HUS1: variants seen among roughly 807,000 people sequenced by gnomAD.
HUS1 encodes the protein checkpoint protein HUS1.
HUS1 carries 31 observed loss-of-function variants against 32.6 expected under a neutral mutation model. That is an observed-to-expected ratio of 0.95 (90% CI 0.72 to 1.28). HUS1 has a LOEUF of 1.28. Ranked by LOEUF, HUS1 falls within the 50% of genes most tolerant of loss-of-function variation. The pLI, the probability that HUS1 is intolerant of heterozygous loss-of-function variation, is 0.00. For missense variants in HUS1, 340 were observed against 337.7 expected (o/e 1.01, Z -0.05); for synonymous variants, 123 against 116.6 (o/e 1.06, Z -0.36).
Position 47,978,815 on chromosome 7 carries a change from T to C in HUS1, c.54A>G (p.Arg18=), listed in dbSNP as rs748633074. 1.9e-6 allele frequency: 3 copies of C among 1,613,622 alleles called. No homozygotes were observed. The highest frequency in any genetic ancestry group is 2.5e-6 in the Non-Finnish European group (3 of 1,179,904). ...VDGACLNHFT[R]ISNMIAKLAK... ...CAAGCTTGGCTATCATGTTACTGAT[T>C]CCTAAAGCAGGGGTTAAAATAAGGA... The change falls in exon 2 of 8, where the codon CGA becomes CGG. Residue 18 remains arginine, a splice_region_variant and synonymous_variant. Coordinates refer to ENST00000258774, the MANE Select transcript of HUS1 (RefSeq NM_004507.4).
rs553523764 is a variant in HUS1, at chr7:47,965,392, G to A, written c.807C>T (p.Asp269=). 3.7e-6 allele frequency: 6 copies of A among 1,613,684 alleles called. No individual in the cohort carries two copies. Among genetic ancestry groups the A allele is most frequent in the East Asian group, 2.2e-5 (1 of 44,862 alleles). Residue 269 remains aspartate, a synonymous_variant, in exon 8 of 8, where the codon GAC becomes GAT. Coordinates refer to ENST00000258774, the MANE Select transcript of HUS1 (RefSeq NM_004507.4). The stretch of plus-strand genomic sequence containing the variant: ...CAGGGATGAAATACTGAAGGGACAC[G>A]TCTTCATGAAGCAGATCAAAATGCA... ...KMVHFDLLHE[D]VSLQYFIPAL...
At position 47,963,495 on chromosome 7, in the gene HUS1, G is replaced by A. The variant is rs1248049712; in HGVS notation, c.*1861C>T. The stretch of plus-strand genomic sequence containing the variant: ...TTTCATTTTGTATCATGATTTTTAA[G>A]TTTTCTCACTGCAGCTGGAATTAAT... On this transcript the variant is annotated 3_prime_UTR_variant, in exon 8 of 8. Transcript: ENST00000258774. The A allele has an allele frequency of 1.3e-5, 2 of 152,180 alleles. No homozygotes were observed. The highest frequency in any genetic ancestry group is 2.9e-5 in the Non-Finnish European group (2 of 68,024). 9.4% of individuals were successfully genotyped at this position (152,180 alleles called of 1,614,324 possible). A position where few individuals can be genotyped will look rare whatever the true frequency, so the allele number is the denominator to read the frequency against.
At position 47,976,170 on chromosome 7, in the gene HUS1, A is replaced by T. The variant is rs1583723492; in HGVS notation, c.466-483T>A. On this transcript the variant is annotated intron_variant, in intron 4 of 7. Transcript: ENST00000258774. ...CTCTATAAAACACAGGCTTTTTCAA[A>T]ATCAGTGTAGGTGCCATCTAGTAAA... 3 of 353,546 alleles carry T rather than the reference A, an allele frequency of 8.5e-6. No homozygotes were observed. The East Asian group carries it at 2.2e-4, about 26-fold the overall frequency. The allele number at this position is 353,546 out of a possible 1,614,324, so 21.9% of individuals were successfully genotyped here.
chr7:47,968,790 A>G (rs1036534223), intron 6 of HUS1: 2 of 159,116 alleles, frequency 1.3e-5, no homozygotes, highest in Non-Finnish European at 2.7e-5. Context: ...TGATCAAGTG[A>G]AACAGTTTTG....
Position 47,963,394 on chromosome 7 carries a change from T to G in HUS1, c.*1962A>C, listed in dbSNP as rs933491079. On this transcript the variant is annotated 3_prime_UTR_variant, in exon 8 of 8. Coordinates refer to ENST00000258774, the MANE Select transcript of HUS1 (RefSeq NM_004507.4). Reference sequence around the variant, plus strand: ...TATGTATTTGATAATAAACATCACATAGAGCAAATGGTTAAGTCACTAACA... The same window carrying G: ...TATGTATTTGATAATAAACATCACAGAGAGCAAATGGTTAAGTCACTAACA... The G allele has an allele frequency of 6.6e-6, 1 of 152,242 alleles. No homozygotes were observed. Among genetic ancestry groups the G allele is most frequent in the African/African-American group, 2.4e-5 (1 of 41,470 alleles). The allele number at this position is 152,242 out of a possible 1,614,324, so 9.4% of individuals were successfully genotyped here.
Position 47,979,556 on chromosome 7 carries a change from G to A in HUS1, c.-37C>T, listed in dbSNP as rs760936980. 6.8e-5 allele frequency: 106 copies of A among 1,559,190 alleles called. No homozygotes were observed. The highest frequency in any genetic ancestry group is 9.1e-5 in the Non-Finnish European group (103 of 1,134,826). ...GCGCAGCCGCGGCGGGCCTCTGTGG[G>A]TAACAGAAAAGCGTCGCGCCCTGAG... is the stretch of plus-strand genomic sequence containing the variant. On this transcript the variant is annotated 5_prime_UTR_variant, in exon 1 of 8. Transcript: ENST00000258774.
chr7:47,970,442 A>G (rs1583717384), intron 5 of HUS1, among the ~76,000 whole-genome samples: 2 of 152,204 alleles, frequency 1.3e-5, no homozygotes, highest in East Asian at 1.9e-4. Flanking sequence ...AATAGGCACC[A>G]CAGAGAGAAT....
At chr7:47,968,795 G>A (rs1788534084) in intron 6 of HUS1, 1 of 159,778 alleles carries the variant, frequency 6.3e-6, no homozygotes, top group South Asian at 1.8e-4. Context: ...AAGTGAAACA[G>A]TTTTGCATCT....
chr7:47,969,106 A>C, intron 6 of HUS1, 113 bp downstream of exon 6: 1 of 618,790 alleles, frequency 1.6e-6, no homozygotes, highest in Non-Finnish European at 2.8e-6. Context: ...TCACCCAAGC[A>C]TGAAACAAAG....
chr7:47,964,985 G>T lies in HUS1; in HGVS notation c.*371C>A, dbSNP rs911360367. On this transcript the variant is annotated 3_prime_UTR_variant, in exon 8 of 8. Coordinates refer to ENST00000258774, the MANE Select transcript of HUS1 (RefSeq NM_004507.4). ...CAGGCCGTGCTGAGCTAGAGCCTCT[G>T]CCTGGAGGGAAAGTACCAAGCTCCC... The T allele has an allele frequency of 8.6e-5, 18 of 209,598 alleles. No individual in the cohort carries two copies. In the Admixed American group the frequency reaches 9.3e-4, roughly 11 times the overall value. The allele number at this position is 209,598 out of a possible 1,614,324, so 13.0% of individuals were successfully genotyped here.
intron 5 of HUS1, 47 bp from the exon 6 acceptor site, chr7:47,969,365 GAAAA>G (rs1562586831): frequency 9.4e-7 from 1 of 1,065,528 alleles, no homozygotes; most frequent in Non-Finnish European, 1.4e-6. Context: ...AAGCCAAAAG[GAAAA>G]AAACTCCATG....
At position 47,976,799 on chromosome 7, in the gene HUS1, G is replaced by A; in HGVS notation, c.396C>T (p.Asp132=). ...MSSSSRIVTH[D]IPIKVIPRKL... ...TCCTAGGAATCACCTTTATGGGGAT[G>A]TCATGGGTCACAATGCGGCTACTGC... Residue 132 remains aspartate, a synonymous_variant, in exon 4 of 8, where the codon GAC becomes GAT. Coordinates refer to ENST00000258774, the MANE Select transcript of HUS1 (RefSeq NM_004507.4). 1.9e-6 allele frequency: 3 copies of A among 1,613,414 alleles called. No individual in the cohort carries two copies. The highest frequency in any genetic ancestry group is 2.5e-6 in the Non-Finnish European group (3 of 1,179,480).
In HUS1 at chr7:47,976,801, C is replaced by T. The variant is rs770612941; in HGVS notation, c.394G>A (p.Asp132Asn). 2.5e-6 allele frequency: 4 copies of T among 1,613,430 alleles called. No individual in the cohort carries two copies. In the South Asian group the frequency reaches 3.3e-5, roughly 13 times the overall value. Reference protein sequence around the residue: ...MSSSSRIVTHDIPIKVIPRKL... With the variant: ...MSSSSRIVTHNIPIKVIPRKL... Reference sequence around the variant, plus strand: ...CTAGGAATCACCTTTATGGGGATGTCATGGGTCACAATGCGGCTACTGCTT... The same window carrying T: ...CTAGGAATCACCTTTATGGGGATGTTATGGGTCACAATGCGGCTACTGCTT... Residue 132 changes from aspartate (D) to asparagine (N), a missense_variant, in exon 4 of 8, where the codon GAC becomes AAC. Asp to Asn is a conservative substitution (Grantham distance 23, BLOSUM62 1). Transcript: ENST00000258774.
Position 47,971,866 on chromosome 7 carries a change from T to C in HUS1, c.541-2548A>G, listed in dbSNP as rs1788607338. Among the ~76,000 whole-genome samples, 3 of 152,332 alleles carry C rather than the reference T, an allele frequency of 2.0e-5. No homozygotes were observed. In the South Asian group the frequency reaches 6.2e-4, roughly 32 times the overall value. On this transcript the variant is annotated intron_variant, in intron 5 of 7. Transcript: ENST00000258774. ...ACTGAATACAATTTAGTGTTCCTTG[T>C]TCTTATTCCTTAAAATTGGTGAACT...
intron 7 of HUS1, among the ~76,000 whole-genome samples, chr7:47,966,231 A>G (rs188326746): frequency 9.8e-5 from 15 of 152,302 alleles, no homozygotes; most frequent in Non-Finnish European, 2.1e-4. Flanking sequence ...AATTGAGCCG[A>G]CACCTGAAGG....
intron 1 of HUS1, 171 bp from the exon 2 acceptor site, chr7:47,978,987 C>A: frequency 1.6e-6 from 1 of 634,194 alleles, no homozygotes; most frequent in Non-Finnish European, 2.7e-6. Flanking sequence ...GCAATTCTCC[C>A]AACAAACTAG....
intron 6 of HUS1, among the ~76,000 whole-genome samples, 166 bp from the exon 7 acceptor site, chr7:47,968,091 CCTAA>C (rs1295863908): frequency 2.0e-5 from 3 of 152,048 alleles, no homozygotes; most frequent in Admixed American, 6.5e-5. Context: ...AGCATTAGGT[CCTAA>C]CTATTTAAAA....
In HUS1 at chr7:47,964,236, G is replaced by C. The variant is rs1788429599; in HGVS notation, c.*1120C>G. ...TCTATGAAAAATTGAAAATTAGCTGGGTGTGGTGGTGCACACCAGTAGTCC... is the reference window on the plus strand; with the variant it reads ...TCTATGAAAAATTGAAAATTAGCTGCGTGTGGTGGTGCACACCAGTAGTCC... On this transcript the variant is annotated 3_prime_UTR_variant, in exon 8 of 8. Coordinates refer to ENST00000258774, the MANE Select transcript of HUS1 (RefSeq NM_004507.4). 6.6e-6 allele frequency: 1 copy of C among 152,230 alleles called. No individual in the cohort carries two copies. The highest frequency in any genetic ancestry group is 2.4e-5 in the African/African-American group (1 of 41,416). 9.4% of individuals were successfully genotyped at this position (152,230 alleles called of 1,614,324 possible). A position where few individuals can be genotyped will look rare whatever the true frequency, so the allele number is the denominator to read the frequency against.
intron 5 of HUS1, among the ~76,000 whole-genome samples, chr7:47,973,456 C>T (rs778705454): frequency 2.0e-5 from 3 of 152,180 alleles, no homozygotes; most frequent in Non-Finnish European, 4.4e-5. Context: ...GATGTCAATT[C>T]CCTCCAGTTC....
Sources: allele counts gnomAD v4.1 joint callset (sites outside exome capture counted in the v4.1 genomes callset), GRCh38; gene constraint gnomAD v4.1.1; transcripts MANE v1.5; gene names NCBI Gene and HGNC (gene_info 2026-07-23, HGNC 2026-07-21).